KLRG1: variants seen among roughly 807,000 people sequenced by gnomAD.
KLRG1 encodes killer cell lectin-like receptor subfamily G member 1.
Under a neutral mutation model 21.8 loss-of-function variants are expected in KLRG1, and 16 were observed. The ratio of observed to expected loss-of-function variants is 0.73; its 90% CI spans 0.50 to 1.11. The LOEUF (loss-of-function observed/expected upper bound fraction) is 1.11, where lower values mean the gene tolerates loss of function less well. Among genes scored for constraint, KLRG1 ranks in the 50% most tolerant of loss-of-function variants. The pLI is 0.00. For synonymous variants in KLRG1, 69 were observed against 75.9 expected, an observed-to-expected ratio of 0.91 and a Z score of 0.47; for missense variants, 173 against 218.3, an observed-to-expected ratio of 0.79 and a Z score of 1.31.
chr12:9,199,055 A>G, the KLRG1 span, among the ~76,000 whole-genome samples: 1 of 152,198 alleles, frequency 6.6e-6, no homozygotes, highest in Non-Finnish European at 1.5e-5. Context: ...AAGGAACATC[A>G]TAGGTAAGGT....
the KLRG1 span, among the ~76,000 whole-genome samples, chr12:9,088,734 A>G: frequency 1.3e-5 from 2 of 152,202 alleles, no homozygotes; most frequent in Non-Finnish European, 2.9e-5. Flanking sequence ...GATAGGCATC[A>G]AACAGATATT....
At chr12:9,152,125 A>T in the KLRG1 span, 6 of 947,258 alleles carry the variant, frequency 6.3e-6, no homozygotes, top group South Asian at 8.2e-5. Flanking sequence ...TTGAGGCAGG[A>T]TGATGTTGAC....
chr12:9,197,714 ACATAATATATATAAT>A, the KLRG1 span, among the ~76,000 whole-genome samples: 1 of 87,276 alleles, frequency 1.1e-5, no homozygotes, highest in Non-Finnish European at 2.0e-5. Context: ...ATTATACAAT[ACATAATATATATAAT>A]TATATATTAT....
chr12:9,195,310 G>A, the KLRG1 span, among the ~76,000 whole-genome samples: 6 of 152,034 alleles, frequency 3.9e-5, no homozygotes, highest in Admixed American at 1.3e-4. Context: ...AGTTACTAAC[G>A]TTATTATTAT....
the KLRG1 span, among the ~76,000 whole-genome samples, chr12:9,174,230 A>T: frequency 6.6e-6 from 1 of 152,218 alleles, no homozygotes; most frequent in Non-Finnish European, 1.5e-5. Context: ...CAAAAACCAC[A>T]TGGTTATCTC....
chr12:9,008,524 G>A (rs748646698), intron 3 of KLRG1, among the ~76,000 whole-genome samples: 3 of 152,284 alleles, frequency 2.0e-5, no homozygotes, highest in South Asian at 2.1e-4. Context: ...AGACTGGATC[G>A]CTTGAACAAC....
At chr12:9,163,296 C>CAAAAAAAA in the KLRG1 span, among the ~76,000 whole-genome samples, 2 of 134,448 alleles carry the variant, frequency 1.5e-5, no homozygotes, top group South Asian at 2.5e-4. Context: ...ACTAAAAATA[C>CAAAAAAAA]AAAAAAAAAA....
the KLRG1 span, chr12:9,091,197 T>C: frequency 6.2e-6 from 10 of 1,612,948 alleles, no homozygotes; most frequent in Non-Finnish European, 8.5e-6. Flanking sequence ...AAAGAGATCC[T>C]TACCCGGATG....
At chr12:9,164,240 G>A in the KLRG1 span, 3 of 1,613,054 alleles carry the variant, frequency 1.9e-6, no homozygotes, top group Admixed American at 3.3e-5. Flanking sequence ...GGCTGGAGAG[G>A]CTTTCAGCTG....
chr12:8,975,477 C>A (rs1946642635), intron 1 of KLRG1, among the ~76,000 whole-genome samples: 1 of 152,078 alleles, frequency 6.6e-6, no homozygotes. Context: ...TCCTTATGAC[C>A]CTTTCTATTT....
At chr12:8,979,236 T>C (rs1039262452) in intron 1 of KLRG1, among the ~76,000 whole-genome samples, 1 of 151,968 alleles carries the variant, frequency 6.6e-6, no homozygotes, top group Non-Finnish European at 1.5e-5. Context: ...CAGGCTGGCC[T>C]TGAACTCCTG....
At chr12:9,115,491 A>G in the KLRG1 span, 2 of 337,552 alleles carry the variant, frequency 5.9e-6, no homozygotes, top group Non-Finnish European at 1.1e-5. Context: ...GTAGATCAAT[A>G]TGAATGTGAA....
chr12:9,073,193 A>T, the KLRG1 span, among the ~76,000 whole-genome samples: 2 of 152,196 alleles, frequency 1.3e-5, no homozygotes, highest in African/African-American at 4.8e-5. Context: ...GCTATTTGCT[A>T]ACATGTCTTT....
the KLRG1 span, among the ~76,000 whole-genome samples, chr12:9,107,006 T>C: frequency 6.6e-6 from 1 of 152,200 alleles, no homozygotes; most frequent in Non-Finnish European, 1.5e-5. Context: ...TTTCTATGTG[T>C]TGGAAATAGT....
chr12:9,049,138 C>T, the KLRG1 span, among the ~76,000 whole-genome samples: 2 of 152,194 alleles, frequency 1.3e-5, no homozygotes, highest in Non-Finnish European at 2.9e-5. Flanking sequence ...GGGACCTACT[C>T]TAGTTTCTGG....
chr12:9,194,446 C>G, the KLRG1 span, among the ~76,000 whole-genome samples: 1 of 150,152 alleles, frequency 6.7e-6, no homozygotes, highest in African/African-American at 2.4e-5. Flanking sequence ...TGTAGTATTT[C>G]CAGTAAAGTC....
chr12:9,055,011 C>T, the KLRG1 span, among the ~76,000 whole-genome samples: 15 of 152,290 alleles, frequency 9.8e-5, no homozygotes, highest in African/African-American at 3.6e-4. Flanking sequence ...ATAAGGGATA[C>T]GCCACCTGTA....
intron 1 of KLRG1, among the ~76,000 whole-genome samples, chr12:8,968,586 C>G (rs1474400599): frequency 6.6e-6 from 1 of 152,148 alleles, no homozygotes; most frequent in Non-Finnish European, 1.5e-5. Flanking sequence ...GTATAGGAGC[C>G]TTGAACAGCA....
the KLRG1 span, among the ~76,000 whole-genome samples, chr12:9,091,796 G>A: frequency 4.6e-5 from 7 of 152,100 alleles, no homozygotes; most frequent in African/African-American, 1.7e-4. Context: ...ATTTAACTCA[G>A]GATTGCTAAC....
Sources: gnomAD v4.1 joint callset for allele counts (sites outside exome capture counted in the v4.1 genomes callset) on GRCh38, gnomAD v4.1.1 for gene constraint, MANE v1.5 for transcripts, NCBI Gene and HGNC (gene_info 2026-07-23, HGNC 2026-07-21) for gene names.